The following CLEC17A variants were observed in gnomAD, a reference collection of about 807,000 sequenced individuals.
The protein encoded by CLEC17A is C-type lectin domain family 17, member A.
Under a neutral mutation model 61.3 loss-of-function variants are expected in CLEC17A, and 37 were observed. The observed-to-expected ratio is 0.60, with a 90% CI of 0.46 to 0.79. The LOEUF (loss-of-function observed/expected upper bound fraction) is 0.79, where lower values mean the gene tolerates loss of function less well. CLEC17A is among the 30% of genes least tolerant of loss of function. CLEC17A has a pLI of 0.00. For synonymous variants in CLEC17A, 168 were observed against 164.9 expected (o/e 1.02, Z -0.14); for missense variants, 418 against 464.7 (o/e 0.90, Z 0.92).
chr19:14,583,151 T>C lies in CLEC17A; in HGVS notation c.-10T>C. ...CCTGGCTGCCACTTGTCAGGTTCCC[T>C]GTGCTAGACATGCATAATCTGTATT... On this transcript the variant is annotated 5_prime_UTR_variant, in exon 1 of 14. Coordinates refer to ENST00000417570, the MANE Select transcript of CLEC17A (RefSeq NM_001204118.2). 1 of 1,614,026 alleles carries C rather than the reference T, an allele frequency of 6.2e-7. No individual in the cohort carries two copies. The highest frequency in any genetic ancestry group is 1.1e-5 in the South Asian group (1 of 91,076).
rs1411020425 is a variant in CLEC17A, at chr19:14,599,820, A to G, written c.742+8A>G. The G allele has an allele frequency of 1.2e-6, 2 of 1,609,236 alleles. No individual in the cohort carries two copies. The highest frequency in any genetic ancestry group is 1.7e-6 in the Non-Finnish European group (2 of 1,176,376). On this transcript the variant is annotated splice_region_variant and intron_variant, in intron 11 of 13. Coordinates refer to ENST00000417570, the MANE Select transcript of CLEC17A (RefSeq NM_001204118.2). The stretch of plus-strand genomic sequence containing the variant: ...AACTTTGGGGCTTATTAGGTAAGTG[A>G]GACTTGGGGAATTGCCCAGGGATGG...
intron 4 of CLEC17A, among the ~76,000 whole-genome samples, chr19:14,592,973 C>G (rs1342238144): frequency 6.6e-6 from 1 of 151,948 alleles, no homozygotes; most frequent in East Asian, 1.9e-4. Flanking sequence ...GCCGAGCAGA[C>G]ATTTCTTAAG....
chr19:14,596,205 G>A (rs2074548384), intron 8 of CLEC17A, among the ~76,000 whole-genome samples: 1 of 151,934 alleles, frequency 6.6e-6, no homozygotes, highest in Non-Finnish European at 1.5e-5. Flanking sequence ...AGTAGAAGAT[G>A]ATGCATCATA....
chr19:14,581,190 C>T (rs2074178445), upstream of CLEC17A, among the ~76,000 whole-genome samples: 1 of 152,204 alleles, frequency 6.6e-6, no homozygotes, highest in Non-Finnish European at 1.5e-5. Flanking sequence ...GTTGCATTTC[C>T]TCTTACTTTT....
At chr19:14,603,434 CA>C (rs1168263944) in intron 12 of CLEC17A, among the ~76,000 whole-genome samples, 1 of 151,994 alleles carries the variant, frequency 6.6e-6, no homozygotes, top group Non-Finnish European at 1.5e-5. Context: ...GATAAGGATC[CA>C]ATGAGACAAT....
chr19:14,583,555 T>C (rs982578751), intron 2 of CLEC17A, 121 bp downstream of exon 2: 1 of 1,533,712 alleles, frequency 6.5e-7, no homozygotes. Context: ...TGCCGGGCAC[T>C]GTGGAACCCA....
intron 12 of CLEC17A, among the ~76,000 whole-genome samples, chr19:14,606,374 C>CA (rs35346403): frequency 0.069 from 6,562 of 94,568 alleles, 497 homozygotes; most frequent in African/African-American, 0.21. Context: ...GACCCTGTCT[C>CA]AAAAAAAAAA....
intron 3 of CLEC17A, chr19:14,588,216 A>G (rs2074332151): frequency 1.3e-5 from 2 of 159,584 alleles, no homozygotes; most frequent in South Asian, 3.4e-4. Context: ...GGCCAGCTGC[A>G]GTGGTGTGCA....
At chr19:14,602,994 C>T (rs565605104) in intron 12 of CLEC17A, among the ~76,000 whole-genome samples, 12 of 152,282 alleles carry the variant, frequency 7.9e-5, no homozygotes, top group Non-Finnish European at 1.2e-4. Context: ...CTTGGCCTCC[C>T]AAAGTACTGG....
At chr19:14,603,564 A>T (rs1316944122) in intron 12 of CLEC17A, among the ~76,000 whole-genome samples, 1 of 151,980 alleles carries the variant, frequency 6.6e-6, no homozygotes, top group Non-Finnish European at 1.5e-5. Flanking sequence ...GGTTCAGGCA[A>T]TCCTCCTGAT....
upstream of CLEC17A, among the ~76,000 whole-genome samples, chr19:14,580,995 C>A (rs902823537): frequency 6.6e-6 from 1 of 152,332 alleles, no homozygotes; most frequent in South Asian, 2.1e-4. Context: ...CCATTGCCCA[C>A]GTGCGGTGCG....
rs2074499690 is a variant in CLEC17A, at chr19:14,594,635, A to G, written c.314A>G (p.Lys105Arg). ...CCAACCATTCCTCCCTCCTCAGCAA[A>G]GGAAACAGAGAAACCCCCACTTCCT... ...SAPPRPPRAA[K>R]ETEKPPLPCK... Residue 105 changes from lysine to arginine, a missense_variant, in exon 6 of 14, where the codon AAG becomes AGG. By Grantham distance (26) the Lys-to-Arg change is conservative. Coordinates refer to ENST00000417570, the MANE Select transcript of CLEC17A (RefSeq NM_001204118.2). The G allele has an allele frequency of 1.2e-6, 2 of 1,613,738 alleles. No individual in the cohort carries two copies. Among genetic ancestry groups the G allele is most frequent in the Non-Finnish European group, 1.7e-6 (2 of 1,179,850 alleles).
chr19:14,586,465 C>T (rs984865045), intron 2 of CLEC17A, among the ~76,000 whole-genome samples: 1 of 151,900 alleles, frequency 6.6e-6, no homozygotes, highest in African/African-American at 2.4e-5. Flanking sequence ...CTCTGTTGCC[C>T]AGGCTGGAGT....
At chr19:14,592,531 G>T (rs919177959) in intron 4 of CLEC17A, among the ~76,000 whole-genome samples, 173 bp downstream of exon 4, 2 of 152,198 alleles carry the variant, frequency 1.3e-5, no homozygotes, top group Non-Finnish European at 2.9e-5. Context: ...GGCAGAGGCG[G>T]GTTTGGACAC....
rs571814932 is a variant in CLEC17A, at chr19:14,601,145, C to T, written c.894+963C>T. ...CTCGAACTCCTGACTTCAGGTGATC[C>T]TCCCACCTCTGCCTCCCAAAGTGCG... On this transcript the variant is annotated intron_variant, in intron 12 of 13. Transcript: ENST00000417570. Among the ~76,000 whole-genome samples, 7 of 150,718 alleles carry T rather than the reference C, an allele frequency of 4.6e-5. No individual in the cohort carries two copies. In the South Asian group the frequency reaches 1.5e-3, roughly 32 times the overall value.
In CLEC17A at chr19:14,594,752, C is replaced by G. The variant is rs767290093; in HGVS notation, c.362-7C>G. The G allele has an allele frequency of 1.1e-5, 17 of 1,613,908 alleles. No homozygotes were observed. Among genetic ancestry groups the G allele is most frequent in the Non-Finnish European group, 1.4e-5 (17 of 1,179,898 alleles). On this transcript the variant is annotated splice_polypyrimidine_tract_variant and splice_region_variant and intron_variant, in intron 6 of 13. Coordinates refer to ENST00000417570, the MANE Select transcript of CLEC17A (RefSeq NM_001204118.2). ...CCTTCTTGAAATGACTTTCTCATCT[C>G]TTCTAGGCCTGGACCTCGCCGCTGT...
At chr19:14,599,470 A>G (rs1323441929) in intron 10 of CLEC17A, among the ~76,000 whole-genome samples, 1 of 151,354 alleles carries the variant, frequency 6.6e-6, no homozygotes, top group Admixed American at 6.6e-5. Flanking sequence ...TTCCTTTAAA[A>G]CCCACTTCTT....
intron 12 of CLEC17A, among the ~76,000 whole-genome samples, chr19:14,601,465 C>T (rs1301383423): frequency 6.6e-6 from 1 of 152,136 alleles, no homozygotes. Flanking sequence ...CAATATGTAT[C>T]ATCTGTACTT....
At chr19:14,588,170 AGG>A (rs2074330697) in intron 3 of CLEC17A, among the ~76,000 whole-genome samples, 3 of 151,922 alleles carry the variant, frequency 2.0e-5, no homozygotes, top group African/African-American at 7.3e-5. Context: ...AGGGTCCAAC[AGG>A]AGACTGATAA....
Sources: gnomAD v4.1 joint callset for allele counts (sites outside exome capture counted in the v4.1 genomes callset) on GRCh38, gnomAD v4.1.1 for gene constraint, MANE v1.5 for transcripts, NCBI Gene and HGNC (gene_info 2026-07-23, HGNC 2026-07-21) for gene names.